Variants in LTV1 observed in about 807,000 individuals in gnomAD.
LTV1 encodes protein LTV1 homolog.
A neutral mutation model predicts 59.9 loss-of-function variants in LTV1; 39 were observed. That is an observed-to-expected ratio of 0.65 (90% CI 0.50 to 0.85). The LOEUF is 0.85. Ranked by LOEUF, LTV1 falls within the 40% of genes least tolerant of loss-of-function variation. LTV1 has a pLI of 0.00. For missense variants in LTV1, 493 were observed against 549.1 expected (o/e 0.90, Z 1.02); for synonymous variants, 171 against 189.5 (o/e 0.90, Z 0.80).
chr6:143,844,672 C>CT (rs35521359), intron 2 of LTV1, 55 bp downstream of exon 2: 26,568 of 1,232,836 alleles, frequency 0.022, no homozygotes, highest in Non-Finnish European at 0.024. Flanking sequence ...TTTTTTTTTT[C>CT]TTTTTTTTTT....
At chr6:143,859,232 G>A (rs1777124934) in intron 6 of LTV1, among the ~76,000 whole-genome samples, 1 of 152,132 alleles carries the variant, frequency 6.6e-6, no homozygotes, top group African/African-American at 2.4e-5. Flanking sequence ...ACTCTATTTG[G>A]TTCTGTTGTA....
At chr6:143,852,644 A>G (rs888410696) in intron 4 of LTV1, among the ~76,000 whole-genome samples, 94 of 152,336 alleles carry the variant, frequency 6.2e-4, no homozygotes, top group African/African-American at 2.2e-3. Context: ...GTCTTTGCCC[A>G]TGCCTATATC....
chr6:143,857,373 T>C lies in LTV1; in HGVS notation c.468T>C (p.Asp156=). Residue 156 remains aspartate (D), a synonymous_variant, in exon 5 of 11, where the codon GAT becomes GAC. Coordinates refer to ENST00000367576, the MANE Select transcript of LTV1 (RefSeq NM_032860.5). The surrounding 1 kb of genome is among the most constrained non-coding windows in gnomAD (Gnocchi z 5.2). ...LDDDFDFDDP[D]NLLEDDFILQ... ...ATGATTTTGACTTTGATGATCCAGA[T>C]AATCTGCTTGAGGATGACTTTATTC... 6.2e-7 allele frequency: 1 copy of C among 1,614,118 alleles called. No individual in the cohort carries two copies. The highest frequency in any genetic ancestry group is 1.1e-5 in the South Asian group (1 of 91,080).
At position 143,862,122 on chromosome 6, in the gene LTV1, C is replaced by A; in HGVS notation, c.942C>A (p.Thr314=). 4 of 1,613,632 alleles carry A rather than the reference C, an allele frequency of 2.5e-6. No homozygotes were observed. The highest frequency in any genetic ancestry group is 3.4e-6 in the Non-Finnish European group (4 of 1,179,782). Residue 314 remains threonine, a synonymous_variant, in exon 8 of 11, where the codon ACC becomes ACA. Coordinates refer to ENST00000367576, the MANE Select transcript of LTV1 (RefSeq NM_032860.5). The surrounding 1 kb of genome is among the most constrained non-coding windows in gnomAD (Gnocchi z 4.2). Reference sequence around the variant, plus strand: ...CTAAAAGTTGTGTAAAATTGAATACCCTTGAACCCTTGGAGGATCAAGACC... The same window carrying A: ...CTAAAAGTTGTGTAAAATTGAATACACTTGAACCCTTGGAGGATCAAGACC... ...EKAENCVKLN[T]LEPLEDQDLP...
chr6:143,844,597 G>A lies in LTV1; in HGVS notation c.115G>A (p.Val39Ile), dbSNP rs761918158. Residue 39 changes from valine to isoleucine, a missense_variant, in exon 2 of 11, where the codon GTT (valine) becomes ATT (isoleucine). Val to Ile is a conservative substitution (Grantham distance 29). Transcript: ENST00000367576. The stretch of plus-strand genomic sequence containing the variant: ...AGCAGATGAGAGTGCACCCCAGAGG[G>A]TTCTATTGCCCACACAAAAAGTAGG... ...LAADESAPQR[V>I]LLPTQKIDNE... The A allele has an allele frequency of 1.2e-6, 2 of 1,613,504 alleles. No homozygotes were observed. The highest frequency in any genetic ancestry group is 1.7e-6 in the Non-Finnish European group (2 of 1,179,828).
rs1263303224 is a variant in LTV1 at position 143,863,490 on chromosome 6, T to C, written c.1391T>C (p.Leu464Pro). The change falls in exon 11 of 11, where the codon CTG (leucine) becomes CCG (proline). Residue 464 changes from leucine (L) to proline (P), a missense_variant. Coordinates refer to ENST00000367576, the MANE Select transcript of LTV1 (RefSeq NM_032860.5). The surrounding 1 kb of genome is among the most constrained non-coding windows in gnomAD (Gnocchi z 4.5). ...AAAAGAAGGCAAGAAAAAGAGCTGC[T>C]GAACTTGAAGAAGAATGTTGAGGGT... ...LEKRRQEKEL[L>P]NLKKNVEGLK... The C allele has an allele frequency of 6.2e-7, 1 of 1,613,810 alleles. No homozygotes were observed. Among genetic ancestry groups the C allele is most frequent in the Admixed American group, 1.7e-5 (1 of 60,028 alleles).
chr6:143,863,411 T>A lies in LTV1; in HGVS notation c.1318-6T>A. The stretch of plus-strand genomic sequence containing the variant: ...TAATACAAGTATATTCTTGTACTTA[T>A]AACAGGAACGAAGAGTGGAGAAGAA... On this transcript the variant is annotated splice_region_variant and splice_polypyrimidine_tract_variant and intron_variant, in intron 10 of 10. Coordinates refer to ENST00000367576, the MANE Select transcript of LTV1 (RefSeq NM_032860.5). This position sits in a 1 kb window ranked among gnomAD's most constrained non-coding sequence, Gnocchi z 4.5. 1 of 1,610,472 alleles carries A rather than the reference T, an allele frequency of 6.2e-7. No homozygotes were observed. The highest frequency in any genetic ancestry group is 1.1e-5 in the South Asian group (1 of 90,998).
chr6:143,848,835 CAGG>C (rs563063634), intron 3 of LTV1, among the ~76,000 whole-genome samples: 2 of 152,288 alleles, frequency 1.3e-5, no homozygotes, highest in East Asian at 3.9e-4. Context: ...GTACTGTTGA[CAGG>C]AGAAGGAACA....
Position 143,846,206 on chromosome 6 carries a change from A to G in LTV1, c.291A>G (p.Glu97=), listed in dbSNP as rs1307587031. 6.2e-6 allele frequency: 10 copies of G among 1,610,838 alleles called. No homozygotes were observed. Among genetic ancestry groups the G allele is most frequent in the African/African-American group, 1.3e-5 (1 of 74,742 alleles). Reference sequence around the variant, plus strand: ...CACACAACAGGAGAGAGGAGAAAGAAGAAACGCTAGTAATTCCAGTAAGGC... The same window carrying G: ...CACACAACAGGAGAGAGGAGAAAGAGGAAACGCTAGTAATTCCAGTAAGGC... ...FSAHNRREEK[E]ETLVIPSTGI... Residue 97 remains glutamate (E), a synonymous_variant, in exon 3 of 11, where the codon GAA becomes GAG. Coordinates refer to ENST00000367576, the MANE Select transcript of LTV1 (RefSeq NM_032860.5).
Position 143,851,907 on chromosome 6 carries a change from C to T in LTV1, c.397+1689C>T, listed in dbSNP as rs972971714. 3.9e-5 allele frequency among the ~76,000 whole-genome samples: 6 copies of T among 152,258 alleles called. No individual in the cohort carries two copies. The South Asian group carries it at 1.2e-3, about 32-fold the overall frequency. On this transcript the variant is annotated intron_variant, in intron 4 of 10. Coordinates refer to ENST00000367576, the MANE Select transcript of LTV1 (RefSeq NM_032860.5). The stretch of plus-strand genomic sequence containing the variant: ...GTCCCTGCAGAGGACATGAACGTGT[C>T]CTTTTTTATGGCTGCATAGTATTCC...
intron 7 of LTV1, 134 bp from the exon 8 acceptor site, chr6:143,861,970 G>T: frequency 2.5e-6 from 2 of 792,432 alleles, no homozygotes; most frequent in African/African-American, 1.8e-5. Context: ...AGAAAATAAC[G>T]GATGGGTCAC....
At position 143,860,468 on chromosome 6, in the gene LTV1, A is replaced by T; in HGVS notation, c.838A>T (p.Asn280Tyr). Residue 280 changes from asparagine to tyrosine, a missense_variant, in exon 7 of 11, where the codon AAT becomes TAT. Coordinates refer to ENST00000367576, the MANE Select transcript of LTV1 (RefSeq NM_032860.5). ...YDDDEIGALD[N>Y]AELEGSIQVD... ...TGATGATGAAATTGGAGCTCTGGAT[A>T]ATGCAGAATTGGAAGGTTCTATTCA... The T allele has an allele frequency of 6.2e-7, 1 of 1,613,580 alleles. No individual in the cohort carries two copies. The highest frequency in any genetic ancestry group is 8.5e-7 in the Non-Finnish European group (1 of 1,179,680).
At position 143,855,306 on chromosome 6, in the gene LTV1, C is replaced by T. The variant is rs553168878; in HGVS notation, c.398-1997C>T. ...TGCTTTCCATTTGCTTGGTAAATAT[C>T]CTCCATTCCTTTATTTTGAGTCTGT... On this transcript the variant is annotated intron_variant, in intron 4 of 10. Transcript: ENST00000367576. This position sits in a 1 kb window ranked among gnomAD's most constrained non-coding sequence, Gnocchi z 4.6. 6.6e-6 allele frequency among the ~76,000 whole-genome samples: 1 copy of T among 152,052 alleles called. No individual in the cohort carries two copies. The highest frequency in any genetic ancestry group is 1.5e-5 in the Non-Finnish European group (1 of 68,028).
chr6:143,847,589 G>A (rs574448574), intron 3 of LTV1, among the ~76,000 whole-genome samples: 6 of 152,316 alleles, frequency 3.9e-5, no homozygotes, highest in East Asian at 1.9e-4. Context: ...TTGAACTCCC[G>A]ACTTCAGGTG....
chr6:143,850,245 T>G (rs1776961155), intron 4 of LTV1, 27 bp downstream of exon 4: 6 of 1,543,380 alleles, frequency 3.9e-6, no homozygotes, highest in Non-Finnish European at 4.5e-6. Flanking sequence ...TATCTTTTCA[T>G]ATGGATAAAT....
intron 4 of LTV1, among the ~76,000 whole-genome samples, chr6:143,851,446 T>A (rs565693622): frequency 6.6e-6 from 1 of 152,206 alleles, no homozygotes; most frequent in Non-Finnish European, 1.5e-5. Flanking sequence ...ACAGGTGAAT[T>A]TAAAGGCCAG....
rs1777210835 is a variant in LTV1 at position 143,863,518 on chromosome 6, A to G, written c.1419A>G (p.Leu473=). ...LLNLKKNVEG[L]KL ...ACTTGAAGAAGAATGTTGAGGGTCT[A>G]AAGCTATAGACAGTGGAGCATACAG... is the stretch of plus-strand genomic sequence containing the variant. Residue 473 remains leucine (L), a synonymous_variant, in exon 11 of 11, where the codon CTA becomes CTG. Transcript: ENST00000367576. The surrounding 1 kb of genome is among the most constrained non-coding windows in gnomAD (Gnocchi z 4.5). The G allele has an allele frequency of 6.2e-7, 1 of 1,611,738 alleles. No homozygotes were observed. The highest frequency in any genetic ancestry group is 8.5e-7 in the Non-Finnish European group (1 of 1,178,470).
intron 7 of LTV1, 138 bp from the exon 8 acceptor site, chr6:143,861,966 T>TC (rs1582943824): frequency 2.6e-6 from 2 of 770,786 alleles, no homozygotes; most frequent in East Asian, 5.7e-5. Context: ...TGACAGAAAA[T>TC]AACGGATGGG....
rs994399925 is a variant in LTV1, at chr6:143,846,289, C to G, written c.309+65C>G. 5 of 1,464,146 alleles carry G rather than the reference C, an allele frequency of 3.4e-6. No individual in the cohort carries two copies. In the African/African-American group the frequency reaches 7.0e-5, roughly 21 times the overall value. The allele number at this position is 1,464,146 out of a possible 1,614,324, so 90.7% of individuals were successfully genotyped here. The stretch of plus-strand genomic sequence containing the variant: ...AGAAATCATTTTTGAATCAAGATAT[C>G]TGTTTGGGGCAAGAAATGGTGTCCG... On this transcript the variant is annotated intron_variant, in intron 3 of 10. Transcript: ENST00000367576.
Sources: allele counts gnomAD v4.1 joint callset (sites outside exome capture counted in the v4.1 genomes callset), GRCh38; gene constraint gnomAD v4.1.1; non-coding constraint Gnocchi (gnomAD v3.1); transcripts MANE v1.5; gene names NCBI Gene and HGNC (gene_info 2026-07-23, HGNC 2026-07-21).